Variants in GNG2 observed in about 807,000 individuals in gnomAD.
GNG2 encodes guanine nucleotide-binding protein G(I)/G(S)/G(O) subunit gamma-2.
GNG2 carries 5 observed loss-of-function variants against 5.5 expected under a neutral mutation model. That is an observed-to-expected ratio of 0.91 (90% CI 0.48 to 1.92). The LOEUF is 1.92. Among genes scored for constraint, GNG2 ranks in the 30% most tolerant of loss-of-function variants. GNG2 has a pLI of 0.01. For missense variants in GNG2, 55 were observed against 88.4 expected, an observed-to-expected ratio of 0.62 and a Z score of 1.52; for synonymous variants, 28 against 32.0, an observed-to-expected ratio of 0.88 and a Z score of 0.42.
upstream of GNG2, among the ~76,000 whole-genome samples, chr14:51,858,829 C>T (rs971374483): frequency 3.9e-5 from 6 of 152,170 alleles, no homozygotes; most frequent in African/African-American, 1.4e-4. Flanking sequence ...AAGCTAGTTG[C>T]TCATTTTCAA....
At chr14:51,849,554 T>C (rs73289379) in intron 2 of GNG2, among the ~76,000 whole-genome samples, 1,777 of 152,296 alleles carry the variant, frequency 0.012, 36 homozygotes, top group African/African-American at 0.041. Context: ...TCCTTGATCA[T>C]TCAATTTAAA....
chr14:51,888,819 A>G (rs1487483538), intron 2 of GNG2, among the ~76,000 whole-genome samples: 1 of 152,178 alleles, frequency 6.6e-6, no homozygotes, highest in Non-Finnish European at 1.5e-5. Flanking sequence ...GTTTCTTATC[A>G]TAAACAAGCA....
At chr14:51,928,247 G>T (rs1289301074) in intron 2 of GNG2, among the ~76,000 whole-genome samples, 1 of 151,900 alleles carries the variant, frequency 6.6e-6, no homozygotes, top group Non-Finnish European at 1.5e-5. Flanking sequence ...GGCCAAGCTG[G>T]TCTCGAACTC....
chr14:51,955,841 C>T (rs1176143068), intron 3 of GNG2, among the ~76,000 whole-genome samples: 7 of 152,078 alleles, frequency 4.6e-5, no homozygotes, highest in African/African-American at 1.2e-4. Flanking sequence ...ACTTTCACAA[C>T]GAGGACAAAT....
chr14:51,911,723 AC>A, intron 2 of GNG2, among the ~76,000 whole-genome samples: 1 of 148,316 alleles, frequency 6.7e-6, no homozygotes, highest in Non-Finnish European at 1.5e-5. Context: ...TTTTAAAAAA[AC>A]ATTTATAGAG....
chr14:51,867,421 C>A (rs1346646227), intron 1 of GNG2, among the ~76,000 whole-genome samples: 1 of 152,174 alleles, frequency 6.6e-6, no homozygotes, highest in African/African-American at 2.4e-5. Context: ...AAAACCAGCT[C>A]CTCACCTGAT....
At chr14:51,894,913 A>T (rs1186346709) in intron 2 of GNG2, among the ~76,000 whole-genome samples, 1 of 152,128 alleles carries the variant, frequency 6.6e-6, no homozygotes, top group African/African-American at 2.4e-5. Flanking sequence ...TTCAAATGCC[A>T]ATGACATTTT....
At chr14:51,928,348 G>A (rs538768679) in intron 2 of GNG2, among the ~76,000 whole-genome samples, 9 of 152,022 alleles carry the variant, frequency 5.9e-5, no homozygotes, top group East Asian at 1.9e-4. Flanking sequence ...TTTTATTACC[G>A]GTGAACTTAA....
intron 2 of GNG2, among the ~76,000 whole-genome samples, chr14:51,930,324 A>G (rs1381225872): frequency 1.3e-5 from 2 of 152,220 alleles, no homozygotes; most frequent in African/African-American, 4.8e-5. Context: ...ATCCATACTC[A>G]CTATCAAAGC....
intron 2 of GNG2, among the ~76,000 whole-genome samples, chr14:51,945,690 G>A (rs974966219): frequency 1.3e-5 from 2 of 152,120 alleles, no homozygotes; most frequent in Non-Finnish European, 2.9e-5. Flanking sequence ...ATTTTATATT[G>A]TGCATTTTAT....
chr14:51,844,526 T>G (rs1881570965), intron 2 of GNG2, among the ~76,000 whole-genome samples: 1 of 152,150 alleles, frequency 6.6e-6, no homozygotes, highest in South Asian at 2.1e-4. Context: ...TGTGTGTGTG[T>G]GTGGGTGGAG....
chr14:51,936,045 C>A (rs1036298249), intron 2 of GNG2, among the ~76,000 whole-genome samples: 11 of 152,114 alleles, frequency 7.2e-5, no homozygotes, highest in African/African-American at 2.7e-4. Flanking sequence ...AAGCCCCATC[C>A]TGGAGAGTCC....
chr14:51,849,798 G>A (rs1397823913), intron 2 of GNG2, among the ~76,000 whole-genome samples: 2 of 128,166 alleles, frequency 1.6e-5, no homozygotes, highest in East Asian at 5.0e-4. Flanking sequence ...TAGATACAAA[G>A]CAAATGCTTT....
intron 3 of GNG2, among the ~76,000 whole-genome samples, chr14:51,961,189 GT>G (rs1889593057): frequency 6.6e-6 from 1 of 152,140 alleles, no homozygotes; most frequent in Admixed American, 6.5e-5. Flanking sequence ...ATTCTGCCCA[GT>G]TTTTAATTTA....
At chr14:51,874,280 C>A (rs1323695783) in intron 1 of GNG2, among the ~76,000 whole-genome samples, 1 of 151,976 alleles carries the variant, frequency 6.6e-6, no homozygotes, top group Non-Finnish European at 1.5e-5. Flanking sequence ...AAAAAATTAG[C>A]CGGGCGTGGT....
chr14:51,920,476 A>AT lies in GNG2; in HGVS notation c.-29-30168dup, dbSNP rs529834437. On this transcript the variant is annotated intron_variant, in intron 2 of 3. Coordinates refer to ENST00000556766, the MANE Select transcript of GNG2 (RefSeq NM_053064.5). ...ATATTCAGTACAGACGTAACCATCC[A>AT]TTTTTTCCAAATATTTTCAATCTAT... is the stretch of plus-strand genomic sequence containing the variant. Among the ~76,000 whole-genome samples, 143 of 152,092 alleles carry AT rather than the reference A, an allele frequency of 9.4e-4. No homozygotes were observed. The Middle Eastern group carries it at 0.014, about 15-fold the overall frequency.
intron 3 of GNG2, among the ~76,000 whole-genome samples, chr14:51,959,630 A>C (rs893810865): frequency 6.6e-6 from 1 of 152,022 alleles, no homozygotes; most frequent in African/African-American, 2.4e-5. Flanking sequence ...ACTCCCATAG[A>C]GTACTGTTCA....
At chr14:51,907,051 G>C (rs902559047) in intron 2 of GNG2, among the ~76,000 whole-genome samples, 3 of 152,152 alleles carry the variant, frequency 2.0e-5, no homozygotes, top group African/African-American at 7.2e-5. Flanking sequence ...CACCGTGCCC[G>C]GCCGCTGGAG....
intron 1 of GNG2, among the ~76,000 whole-genome samples, chr14:51,869,491 A>C (rs1330297368): frequency 4.6e-5 from 7 of 152,200 alleles, no homozygotes; most frequent in South Asian, 2.1e-4. Context: ...AGGCATATCA[A>C]GGTGCAGCAG....
Sources: allele counts gnomAD v4.1 joint callset (sites outside exome capture counted in the v4.1 genomes callset), GRCh38; gene constraint gnomAD v4.1.1; transcripts MANE v1.5; gene names NCBI Gene and HGNC (gene_info 2026-07-23, HGNC 2026-07-21).